Variants in HIF1A observed in about 807,000 individuals in gnomAD.
HIF1A encodes the protein hypoxia inducible factor 1 subunit alpha, also known as hypoxia-inducible factor 1-alpha.
A neutral mutation model predicts 92.7 loss-of-function variants in HIF1A; 24 were observed. The ratio of observed to expected loss-of-function variants is 0.26; its 90% CI spans 0.19 to 0.36. HIF1A has a LOEUF of 0.36. HIF1A is among the 10% of genes least tolerant of loss of function. The probability of loss-of-function intolerance (pLI) is 1.00; values close to 1 mark genes in which losing one functional copy is unlikely to be tolerated. For synonymous variants in HIF1A, 319 were observed against 338.7 expected, an observed-to-expected ratio of 0.94 and a Z score of 0.64; for missense variants, 799 against 998.5, an observed-to-expected ratio of 0.80 and a Z score of 2.69.
At position 61,748,052 on chromosome 14, in the gene HIF1A, C is replaced by T. The variant is rs891975089; in HGVS notation, c.*967C>T. ...CAATGTTTGATTTTATGCACTTTGT[C>T]GCTATTAACATCCTTTTTTTCATGT... is the stretch of plus-strand genomic sequence containing the variant. On this transcript the variant is annotated 3_prime_UTR_variant, in exon 15 of 15. Coordinates refer to ENST00000337138, the MANE Select transcript of HIF1A (RefSeq NM_001530.4). 3.9e-5 allele frequency: 6 copies of T among 152,226 alleles called. No homozygotes were observed. The highest frequency in any genetic ancestry group is 7.4e-5 in the Non-Finnish European group (5 of 67,880). 9.4% of individuals were successfully genotyped at this position (152,226 alleles called of 1,614,324 possible).
intron 1 of HIF1A, chr14:61,697,958 T>C (rs1163506093): frequency 1.4e-6 from 2 of 1,473,358 alleles, no homozygotes; most frequent in Admixed American, 2.2e-5. Context: ...AAAATGGGTA[T>C]GGTTATGATA....
rs904387412 is a variant in HIF1A, at chr14:61,720,395, C to T, written c.49C>T (p.Arg17Cys). The change falls in exon 2 of 15, where the codon CGT (arginine) becomes TGT (cysteine). Residue 17 changes from arginine (R) to cysteine (C), a missense_variant. Around this residue, in one of 2 missense-constraint regions of HIF1A, gnomAD observed 516 missense variants for 721.0 expected, o/e 0.72. Coordinates refer to ENST00000337138, the MANE Select transcript of HIF1A (RefSeq NM_001530.4). ...ANDKKKISSERRKEKSRDAAR... is the reference protein window; with the variant it reads ...ANDKKKISSECRKEKSRDAAR... ...GTTGTTAAGTAGGATAAGTTCTGAA[C>T]GTCGAAAAGAAAAGTCTCGAGATGC... 86 of 1,610,202 alleles carry T rather than the reference C, an allele frequency of 5.3e-5. No homozygotes were observed. Among genetic ancestry groups the T allele is most frequent in the Non-Finnish European group, 7.0e-5 (83 of 1,178,496 alleles).
At chr14:61,717,792 C>T (rs558517540) in intron 1 of HIF1A, among the ~76,000 whole-genome samples, 10 of 151,982 alleles carry the variant, frequency 6.6e-5, no homozygotes, top group African/African-American at 1.7e-4. Flanking sequence ...GAGGCCGAGG[C>T]GGGTGGATCA....
intron 1 of HIF1A, among the ~76,000 whole-genome samples, chr14:61,708,172 T>A (rs1159022053): frequency 6.6e-6 from 1 of 152,226 alleles, no homozygotes; most frequent in Non-Finnish European, 1.5e-5. Flanking sequence ...CTTGTAAATT[T>A]GTTTGAGTTC....
chr14:61,695,715 C>T lies in HIF1A; in HGVS notation c.-90C>T. 1 of 1,417,456 alleles carries T rather than the reference C, an allele frequency of 7.1e-7. No homozygotes were observed. Among genetic ancestry groups the T allele is most frequent in the South Asian group, 1.2e-5 (1 of 80,698 alleles). The allele number at this position is 1,417,456 out of a possible 1,614,324, so 87.8% of individuals were successfully genotyped here. A position where few individuals can be genotyped will look rare whatever the true frequency, so the allele number is the denominator to read the frequency against. On this transcript the variant is annotated 5_prime_UTR_variant, in exon 1 of 15. Transcript: ENST00000337138. ...CCCACCTCTGGACTTGCCTTTCCTT[C>T]TCTTCTCCGCGTGTGGAGGGAGCCA...
chr14:61,701,086 C>G (rs1322326588), intron 1 of HIF1A, among the ~76,000 whole-genome samples: 1 of 152,110 alleles, frequency 6.6e-6, no homozygotes, highest in East Asian at 1.9e-4. Context: ...TGATAAAGCC[C>G]AATTTAATTA....
intron 1 of HIF1A, among the ~76,000 whole-genome samples, chr14:61,712,431 A>T (rs748966035): frequency 6.6e-6 from 1 of 151,828 alleles, no homozygotes; most frequent in Non-Finnish European, 1.5e-5. Flanking sequence ...TTTACTCTAA[A>T]TGAGGCAAAA....
intron 10 of HIF1A, chr14:61,740,129 T>G (rs1555585): frequency 6.9e-6 from 1 of 145,018 alleles, no homozygotes; most frequent in African/African-American, 2.6e-5. Flanking sequence ...TGCAGTGGCA[T>G]GATCTTGGCT....
intron 13 of HIF1A, among the ~76,000 whole-genome samples, chr14:61,745,364 G>C (rs923836689): frequency 1.3e-5 from 2 of 152,058 alleles, no homozygotes; most frequent in Non-Finnish European, 2.9e-5. Context: ...TGGAGGTTGC[G>C]ATGAGCTGAG....
Position 61,695,797 on chromosome 14 carries a change from G to A in HIF1A, c.-8G>A. 6.3e-7 allele frequency: 1 copy of A among 1,596,568 alleles called. No homozygotes were observed. ...CCGCCGTGAAGACATCGCGGGGACC[G>A]ATTCACCATGGAGGGCGCCGGCGGC... On this transcript the variant is annotated 5_prime_UTR_variant, in exon 1 of 15. Transcript: ENST00000337138.
At chr14:61,707,878 C>T (rs1320108052) in intron 1 of HIF1A, among the ~76,000 whole-genome samples, 1 of 151,962 alleles carries the variant, frequency 6.6e-6, no homozygotes, top group Non-Finnish European at 1.5e-5. Context: ...TGAGGAATCG[C>T]CACACTGACT....
At chr14:61,737,723 T>A (rs954032215) in intron 9 of HIF1A, among the ~76,000 whole-genome samples, 21 of 152,180 alleles carry the variant, frequency 1.4e-4, no homozygotes, top group Admixed American at 1.4e-3. Flanking sequence ...AACATAAATT[T>A]TTTATATGTG....
In HIF1A at chr14:61,738,047, C is replaced by G. The variant is rs776683087; in HGVS notation, c.1250-40C>G. 3 of 1,467,990 alleles carry G rather than the reference C, an allele frequency of 2.0e-6. No individual in the cohort carries two copies. The Admixed American group carries it at 6.8e-5, about 33-fold the overall frequency. The allele number at this position is 1,467,990 out of a possible 1,614,324, so 90.9% of individuals were successfully genotyped here. ...GTCTTGGGTAAAAAAAAAAAAAAAT[C>G]CTTCTATACTTTAGATTGACTCATA... On this transcript the variant is annotated intron_variant, in intron 9 of 14. Transcript: ENST00000337138.
chr14:61,732,468 T>A lies in HIF1A; in HGVS notation c.824T>A (p.Ile275Asn). ...CCAGAAGAACTTTTAGGCCGCTCAA[T>A]TTATGAATATTATCATGCTTTGGAC... ...YEPEELLGRS[I>N]YEYYHALDSD... is the part of the protein sequence containing the mutation. Residue 275 changes from isoleucine to asparagine, a missense_variant, in exon 7 of 15, where the codon ATT becomes AAT. Physicochemically the swap from Ile to Asn is moderately radical, Grantham distance 149. This residue lies in a region of HIF1A where 516 missense variants were observed against 721.0 expected (regional missense o/e 0.72). Transcript: ENST00000337138. The A allele has an allele frequency of 6.2e-7, 1 of 1,611,962 alleles. No homozygotes were observed.
chr14:61,715,896 G>C (rs531875072), intron 1 of HIF1A: 1 of 152,328 alleles, frequency 6.6e-6, no homozygotes, highest in African/African-American at 2.4e-5. Context: ...GGAGGCTGAG[G>C]TAGGGAGGGG....
chr14:61,746,224 CA>C (rs912286333), intron 14 of HIF1A, among the ~76,000 whole-genome samples: 13,955 of 69,520 alleles, frequency 0.2, 701 homozygotes, highest in Non-Finnish European at 0.25. Context: ...GACTCTGCCT[CA>C]AAAAAAAAAA....
At chr14:61,725,018 T>A (rs1393380282) in intron 4 of HIF1A, among the ~76,000 whole-genome samples, 1 of 152,204 alleles carries the variant, frequency 6.6e-6, no homozygotes, top group Non-Finnish European at 1.5e-5. Context: ...TATATGCTGT[T>A]TTTCAAACAT....
At chr14:61,738,487 T>G in intron 10 of HIF1A, 114 bp downstream of exon 10, 1 of 1,014,184 alleles carries the variant, frequency 9.9e-7, no homozygotes, top group Admixed American at 2.4e-5. Context: ...TTTGTGTGTG[T>G]GTTTGAATTT....
Position 61,742,628 on chromosome 14 carries a change from G to A in HIF1A, c.2093+1440G>A, listed in dbSNP as rs541587630. Among the ~76,000 whole-genome samples the A allele has an allele frequency of 3.0e-4, 46 of 152,220 alleles. No individual in the cohort carries two copies. The South Asian group carries it at 9.5e-3, about 32-fold the overall frequency. On this transcript the variant is annotated intron_variant, in intron 12 of 14. Transcript: ENST00000337138. ...AGGCAGGGCGCAGTGGCTCATCACT[G>A]TAATCTCAGCACTTTGGGAGGCTGA...
Sources: allele counts gnomAD v4.1 joint callset (sites outside exome capture counted in the v4.1 genomes callset), GRCh38; gene constraint gnomAD v4.1.1; regional missense constraint gnomAD v4.1.1; transcripts MANE v1.5; gene names NCBI Gene and HGNC (gene_info 2026-07-23, HGNC 2026-07-21).